LIPH: variants seen among roughly 807,000 people sequenced by gnomAD.
LIPH encodes the protein lipase H, also known as lipase member H.
Under a neutral mutation model 47.6 loss-of-function variants are expected in LIPH, and 32 were observed. That is an observed-to-expected ratio of 0.67 (90% CI 0.51 to 0.90). LIPH has a LOEUF of 0.90. Among genes scored for constraint, LIPH ranks in the 40% least tolerant of loss-of-function variants. The pLI, the probability that LIPH is intolerant of heterozygous loss-of-function variation, is 0.00. For missense variants in LIPH, 497 were observed against 541.4 expected, an observed-to-expected ratio of 0.92 and a Z score of 0.81; for synonymous variants, 190 against 195.6, an observed-to-expected ratio of 0.97 and a Z score of 0.24.
At chr3:185,535,210 G>A in intron 1 of LIPH, 78 bp from the exon 2 acceptor site, 2 of 1,533,756 alleles carry the variant, frequency 1.3e-6, no homozygotes, top group Non-Finnish European at 1.8e-6. Context: ...TTCTATATTT[G>A]TAGGAGTTCT....
intron 1 of LIPH, among the ~76,000 whole-genome samples, chr3:185,547,453 T>C (rs988925987): frequency 6.6e-6 from 1 of 152,142 alleles, no homozygotes; most frequent in African/African-American, 2.4e-5. Context: ...GTGACATAGA[T>C]GTATATTAAT....
intron 5 of LIPH, among the ~76,000 whole-genome samples, chr3:185,520,586 A>T (rs988375114): frequency 6.6e-5 from 10 of 152,112 alleles, no homozygotes; most frequent in Non-Finnish European, 1.2e-4. Flanking sequence ...CTTTTCATAT[A>T]ATATATTTAC....
intron 8 of LIPH, among the ~76,000 whole-genome samples, chr3:185,511,902 T>G (rs1719579498): frequency 6.6e-6 from 1 of 150,868 alleles, no homozygotes; most frequent in African/African-American, 2.4e-5. Flanking sequence ...ACTAGTCAAC[T>G]TTGATGGGCA....
chr3:185,534,458 A>G (rs926857725), intron 2 of LIPH, among the ~76,000 whole-genome samples: 1 of 152,150 alleles, frequency 6.6e-6, no homozygotes, highest in South Asian at 2.1e-4. Flanking sequence ...GCTAGAAAAA[A>G]ATGCCCCTTC....
At chr3:185,544,007 C>A (rs541470351) in intron 1 of LIPH, among the ~76,000 whole-genome samples, 1 of 151,926 alleles carries the variant, frequency 6.6e-6, no homozygotes, top group Admixed American at 6.6e-5. Flanking sequence ...CATGCCACCA[C>A]GCCCAGCTAA....
Position 185,527,503 on chromosome 3 carries a change from G to T in LIPH, c.609C>A (p.Val203=). The part of the protein sequence containing the change: ...LDPSDAQFVD[V]IHSDTDALGY... ...CGTTACCATCAGTGTCGGAATGGATGACATCAACAAACTGCGCATCACTGG... is the reference window on the plus strand; with the variant it reads ...CGTTACCATCAGTGTCGGAATGGATTACATCAACAAACTGCGCATCACTGG... Residue 203 remains valine (V), a synonymous_variant, in exon 4 of 10, where the codon GTC becomes GTA. Transcript: ENST00000296252. 6.2e-7 allele frequency: 1 copy of T among 1,612,308 alleles called. No homozygotes were observed. Among genetic ancestry groups the T allele is most frequent in the South Asian group, 1.1e-5 (1 of 90,870 alleles).
chr3:185,549,282 A>G (rs1045549622), intron 1 of LIPH, among the ~76,000 whole-genome samples: 1 of 152,200 alleles, frequency 6.6e-6, no homozygotes, highest in African/African-American at 2.4e-5. Context: ...AAAATAAATG[A>G]GATGCCAGAT....
At position 185,517,197 on chromosome 3, in the gene LIPH, A is replaced by G. The variant is rs200089916; in HGVS notation, c.887-35T>C. Reference sequence around the variant, plus strand: ...AAGTTTAAAAAATTGTAAGATTAATATGTATTATACAAACATAAAAGCAAC... The same window carrying G: ...AAGTTTAAAAAATTGTAAGATTAATGTGTATTATACAAACATAAAAGCAAC... On this transcript the variant is annotated intron_variant, in intron 6 of 9. Transcript: ENST00000296252. 2,824 of 1,135,208 alleles carry G rather than the reference A, an allele frequency of 2.5e-3. 15 individuals are homozygous for G. Among genetic ancestry groups the G allele is most frequent in the Non-Finnish European group, 3.4e-3 (2,557 of 743,576 alleles). 70.3% of individuals were successfully genotyped at this position (1,135,208 alleles called of 1,614,324 possible).
At chr3:185,551,412 A>G (rs2148968599) in intron 1 of LIPH, among the ~76,000 whole-genome samples, 1 of 152,324 alleles carries the variant, frequency 6.6e-6, no homozygotes, top group Non-Finnish European at 1.5e-5. Flanking sequence ...AACAAATTTA[A>G]GTTCTACTTT....
chr3:185,534,504 T>C lies in LIPH; in HGVS notation c.417+261A>G, dbSNP rs144920943. Among the ~76,000 whole-genome samples the C allele has an allele frequency of 9.1e-4, 138 of 152,346 alleles. 3 individuals carry two copies. In the South Asian group the frequency reaches 0.028, roughly 31 times the overall value. ...TTTGTCATCATCTGGTGGAAATTTA[T>C]CATAATAAATATATAAATCTATAAT... On this transcript the variant is annotated intron_variant, in intron 2 of 9. Coordinates refer to ENST00000296252, the MANE Select transcript of LIPH (RefSeq NM_139248.3).
Position 185,519,312 on chromosome 3 carries a change from T to C in LIPH, c.719-3A>G. The stretch of plus-strand genomic sequence containing the variant: ...GTCACATTTAAAATACTGAAATCCT[T>C]GGTTGTAAAAGAAGTGATGAAAGAG... On this transcript the variant is annotated splice_polypyrimidine_tract_variant and splice_region_variant and intron_variant, in intron 5 of 9. Coordinates refer to ENST00000296252, the MANE Select transcript of LIPH (RefSeq NM_139248.3). The C allele has an allele frequency of 6.2e-7, 1 of 1,609,112 alleles. No homozygotes were observed. The highest frequency in any genetic ancestry group is 8.5e-7 in the Non-Finnish European group (1 of 1,175,758).
chr3:185,544,252 C>T (rs1187530324), intron 1 of LIPH, among the ~76,000 whole-genome samples: 1 of 152,116 alleles, frequency 6.6e-6, no homozygotes, highest in African/African-American at 2.4e-5. Context: ...TGGCTTTGAA[C>T]CATACTCTTT....
At position 185,552,584 on chromosome 3, in the gene LIPH, G is replaced by A; in HGVS notation, c.-113C>T. The A allele has an allele frequency of 1.3e-6, 1 of 773,298 alleles. No individual in the cohort carries two copies. Among genetic ancestry groups the A allele is most frequent in the Non-Finnish European group, 2.3e-6 (1 of 432,292 alleles). The allele number at this position is 773,298 out of a possible 1,614,324, so 47.9% of individuals were successfully genotyped here. Reference sequence around the variant, plus strand: ...CAGTGAGCTCAGACGACTCAGAGGTGTGGTGACAACAGGAAGTTCCCTAGG... The same window carrying A: ...CAGTGAGCTCAGACGACTCAGAGGTATGGTGACAACAGGAAGTTCCCTAGG... On this transcript the variant is annotated 5_prime_UTR_variant, in exon 1 of 10. Transcript: ENST00000296252.
chr3:185,512,341 A>G (rs1373124727), intron 8 of LIPH, among the ~76,000 whole-genome samples: 1 of 152,168 alleles, frequency 6.6e-6, no homozygotes, highest in Non-Finnish European at 1.5e-5. Context: ...CCAAGTGTAT[A>G]GAGATGTTTT....
intron 1 of LIPH, among the ~76,000 whole-genome samples, chr3:185,538,580 G>A (rs1577684756): frequency 2.0e-5 from 1 of 50,774 alleles, no homozygotes; most frequent in African/African-American, 6.0e-5. Context: ...GCAAATTCAA[G>A]TTACCCAAAC....
At chr3:185,539,167 C>A (rs946253574) in intron 1 of LIPH, among the ~76,000 whole-genome samples, 1 of 151,658 alleles carries the variant, frequency 6.6e-6, no homozygotes, top group Non-Finnish European at 1.5e-5. Flanking sequence ...CGGGGTTTCA[C>A]CATGTTGGCC....
intron 9 of LIPH, among the ~76,000 whole-genome samples, chr3:185,509,604 G>T (rs539993553): frequency 1.3e-5 from 2 of 152,234 alleles, no homozygotes; most frequent in South Asian, 4.1e-4. Flanking sequence ...CTGTACTCCA[G>T]CCTGGGTGAC....
chr3:185,525,190 T>C (rs1720030617), intron 4 of LIPH, among the ~76,000 whole-genome samples: 2 of 152,028 alleles, frequency 1.3e-5, no homozygotes, highest in Admixed American at 1.3e-4. Flanking sequence ...CCAGCCTGGG[T>C]GACAGAGACA....
intron 1 of LIPH, among the ~76,000 whole-genome samples, chr3:185,550,340 G>A (rs909084913): frequency 2.6e-5 from 4 of 152,056 alleles, no homozygotes; most frequent in African/African-American, 9.7e-5. Flanking sequence ...TGTCTGCTGA[G>A]ATTCTATCAT....
Sources: allele counts gnomAD v4.1 joint callset (sites outside exome capture counted in the v4.1 genomes callset), GRCh38; gene constraint gnomAD v4.1.1; transcripts MANE v1.5; gene names NCBI Gene and HGNC (gene_info 2026-07-23, HGNC 2026-07-21).